Variants in MYO18B observed in about 807,000 individuals in gnomAD.
MYO18B encodes the protein unconventional myosin-XVIIIb.
In MYO18B, 204 loss-of-function variants were observed where a neutral mutation model predicts 273.0. The ratio of observed to expected loss-of-function variants is 0.75; its 90% confidence interval spans 0.67 to 0.84. MYO18B has a LOEUF of 0.84. MYO18B is among the 40% of genes least tolerant of loss of function. The pLI is 0.00. For missense variants in MYO18B, 3,212 were observed against 3,287.6 expected, an observed-to-expected ratio of 0.98 and a Z score of 0.56; for synonymous variants, 1,330 against 1,305.7, an observed-to-expected ratio of 1.02 and a Z score of -0.40.
Position 25,770,991 on chromosome 22 carries a change from C to A in MYO18B, c.1692+7C>A, listed in dbSNP as rs117430010. Reference sequence around the variant, plus strand: ...TGAGGAGCATGTCCATCGGGTGAGTCCCCTGTCCCGCCGTCCCCCAGCATG... The same window carrying A: ...TGAGGAGCATGTCCATCGGGTGAGTACCCTGTCCCGCCGTCCCCCAGCATG... On this transcript the variant is annotated splice_region_variant and intron_variant, in intron 6 of 43. Coordinates refer to ENST00000335473, the MANE Select transcript of MYO18B (RefSeq NM_032608.7). The A allele has an allele frequency of 6.5e-7, 1 of 1,538,572 alleles. No homozygotes were observed. The highest frequency in any genetic ancestry group is 8.8e-7 in the Non-Finnish European group (1 of 1,135,012).
At chr22:25,928,912 A>C (rs1372130209) in intron 34 of MYO18B, among the ~76,000 whole-genome samples, 1 of 152,180 alleles carries the variant, frequency 6.6e-6, no homozygotes, top group Non-Finnish European at 1.5e-5. Context: ...CTGTAATCCC[A>C]GCACTTTGGG....
intron 36 of MYO18B, among the ~76,000 whole-genome samples, chr22:25,949,087 T>A (rs2092761987): frequency 6.6e-6 from 1 of 152,098 alleles, no homozygotes; most frequent in Non-Finnish European, 1.5e-5. Flanking sequence ...GAGGCTGTTA[T>A]GAGATTGGGT....
intron 39 of MYO18B, among the ~76,000 whole-genome samples, chr22:25,988,177 G>A (rs989683887): frequency 6.6e-6 from 1 of 151,856 alleles, no homozygotes; most frequent in Non-Finnish European, 1.5e-5. Context: ...CCGTGTCTCC[G>A]GAGGGGTCTC....
At chr22:25,908,287 G>A (rs1251437738) in intron 31 of MYO18B, 35 bp from the exon 32 acceptor site, 1 of 1,521,244 alleles carries the variant, frequency 6.6e-7, no homozygotes, top group South Asian at 1.2e-5. Context: ...GTTAGAGTGG[G>A]TCACCCTCAC....
chr22:25,978,868 A>G (rs2093121005), intron 39 of MYO18B, among the ~76,000 whole-genome samples: 1 of 152,152 alleles, frequency 6.6e-6, no homozygotes, highest in South Asian at 2.1e-4. Context: ...GATTGCTTGA[A>G]TCTGGGAGGC....
At chr22:25,789,972 G>A (rs1181458419) in intron 11 of MYO18B, among the ~76,000 whole-genome samples, 4 of 152,174 alleles carry the variant, frequency 2.6e-5, no homozygotes, top group Non-Finnish European at 5.9e-5. Flanking sequence ...GACCATTATG[G>A]TGAAACCCTG....
intron 39 of MYO18B, among the ~76,000 whole-genome samples, chr22:25,965,441 G>A (rs2092967368): frequency 6.6e-6 from 1 of 152,178 alleles, no homozygotes; most frequent in Non-Finnish European, 1.5e-5. Flanking sequence ...AAAAAGATCG[G>A]GGCGGTGATG....
chr22:25,957,866 TCTCACCTTAAGATC>T (rs920238025), intron 39 of MYO18B, among the ~76,000 whole-genome samples: 6 of 151,980 alleles, frequency 3.9e-5, no homozygotes, highest in African/African-American at 1.4e-4. Flanking sequence ...TCCACGTTGA[TCTCACCTTAAGATC>T]CTCACCTTAA....
chr22:25,966,158 G>T (rs766390296), intron 39 of MYO18B, among the ~76,000 whole-genome samples: 1 of 152,154 alleles, frequency 6.6e-6, no homozygotes, highest in African/African-American at 2.4e-5. Flanking sequence ...CTCTCTCCCT[G>T]TTCATTTTCT....
chr22:26,061,365 A>G, the MYO18B span, among the ~76,000 whole-genome samples: 6 of 152,138 alleles, frequency 3.9e-5, no homozygotes, highest in Non-Finnish European at 2.9e-5. Flanking sequence ...CCATAGCACC[A>G]AAGTCCTGTT....
chr22:25,855,301 T>TTTTTGG (rs2090536106), intron 21 of MYO18B, among the ~76,000 whole-genome samples: 1 of 150,826 alleles, frequency 6.6e-6, no homozygotes, highest in South Asian at 2.1e-4. Context: ...TTTTTTTTTT[T>TTTTTGG]GAGATGGAGT....
rs577043615 is a variant in MYO18B at position 25,777,999 on chromosome 22, C to T, written c.2068+218C>T. ...ACTCCTTCCTCAAGACATTGACGGC[C>T]GTTTGCAGAACAATCATCATACATG... On this transcript the variant is annotated intron_variant, in intron 8 of 43. Coordinates refer to ENST00000335473, the MANE Select transcript of MYO18B (RefSeq NM_032608.7). Among the ~76,000 whole-genome samples, 25 of 152,276 alleles carry T rather than the reference C, an allele frequency of 1.6e-4. No homozygotes were observed. The South Asian group carries it at 1.9e-3, about 11-fold the overall frequency.
At position 25,823,534 on chromosome 22, in the gene MYO18B, TG is replaced by T. The variant is rs753341986; in HGVS notation, c.2554del (p.Ala852GlnfsTer15). ...VGRKQFMRFE[W>X]ANYAAEALGC... is the part of the protein sequence containing the mutation. ...TCGGAAGCAGTTCATGAGGTTTGAG[TG>T]GGCAAACTACGCAGCTGAGGCCCTG... On this transcript the variant is annotated frameshift_variant, in exon 13 of 44. Transcript: ENST00000335473. LOFTEE classifies it high-confidence loss of function. The T allele has an allele frequency of 1.4e-5, 22 of 1,613,812 alleles. No individual in the cohort carries two copies. The highest frequency in any genetic ancestry group is 1.8e-5 in the Non-Finnish European group (21 of 1,179,828).
chr22:26,057,462 AGAG>A, the MYO18B span, among the ~76,000 whole-genome samples: 1 of 151,916 alleles, frequency 6.6e-6, no homozygotes, highest in Non-Finnish European at 1.5e-5. Flanking sequence ...ACAGAGGCAC[AGAG>A]GAGTTCTGTA....
At chr22:26,035,030 C>G (rs1340591768), downstream of MYO18B, among the ~76,000 whole-genome samples, 2 of 152,168 alleles carry the variant, frequency 1.3e-5, no homozygotes, top group Non-Finnish European at 2.9e-5. Context: ...TTGGCCATGT[C>G]CCTACCACCT....
At chr22:25,870,747 C>A (rs528353922) in intron 22 of MYO18B, among the ~76,000 whole-genome samples, 37 of 152,260 alleles carry the variant, frequency 2.4e-4, no homozygotes, top group African/African-American at 8.9e-4. Context: ...CCTAGTAAAT[C>A]AGAAACTCTG....
chr22:26,046,908 G>A, the MYO18B span, among the ~76,000 whole-genome samples: 2 of 152,150 alleles, frequency 1.3e-5, no homozygotes, highest in African/African-American at 4.8e-5. Flanking sequence ...GGTAGTTAGA[G>A]CTGGTTGCTG....
chr22:26,040,855 T>C, the MYO18B span, among the ~76,000 whole-genome samples: 1 of 152,106 alleles, frequency 6.6e-6, no homozygotes, highest in African/African-American at 2.4e-5. Context: ...GGTCAGATGA[T>C]GTAGGGCCTT....
intron 10 of MYO18B, among the ~76,000 whole-genome samples, chr22:25,783,480 C>T (rs2087248086): frequency 6.9e-6 from 1 of 145,832 alleles, no homozygotes; most frequent in African/African-American, 2.6e-5. Context: ...TCCATTTTCT[C>T]ACCTCTCAGA....
Sources: gnomAD v4.1 joint callset for allele counts (sites outside exome capture counted in the v4.1 genomes callset) on GRCh38, gnomAD v4.1.1 for gene constraint, MANE v1.5 for transcripts, NCBI Gene and HGNC (gene_info 2026-07-23, HGNC 2026-07-21) for gene names.